Variants in LHFPL6 observed in about 807,000 individuals in gnomAD.
LHFPL6 encodes LHFPL tetraspan subfamily member 6 protein.
A neutral mutation model predicts 20.6 loss-of-function variants in LHFPL6; 9 were observed. The ratio of observed to expected loss-of-function variants is 0.44; its 90% CI spans 0.26 to 0.76. The LOEUF is 0.76. LHFPL6 is among the 30% of genes least tolerant of loss of function. The probability of loss-of-function intolerance (pLI) is 0.20; values close to 1 mark genes in which losing one functional copy is unlikely to be tolerated. For missense variants in LHFPL6, 218 were observed against 253.5 expected, an observed-to-expected ratio of 0.86 and a Z score of 0.95; for synonymous variants, 105 against 98.7, an observed-to-expected ratio of 1.06 and a Z score of -0.38.
At chr13:39,479,036 T>G (rs116988998) in intron 2 of LHFPL6, among the ~76,000 whole-genome samples, 9,211 of 88,168 alleles carry the variant, frequency 0.1, 349 homozygotes, top group East Asian at 0.35. Context: ...GAGATAGATA[T>G]AGATAGATAG....
chr13:39,518,014 C>T (rs912728072), intron 2 of LHFPL6, among the ~76,000 whole-genome samples: 1 of 152,186 alleles, frequency 6.6e-6, no homozygotes, highest in Non-Finnish European at 1.5e-5. Flanking sequence ...ATTCCAATCT[C>T]CACACTGCCC....
At chr13:39,568,851 C>T (rs1444804403) in intron 2 of LHFPL6, among the ~76,000 whole-genome samples, 6 of 152,154 alleles carry the variant, frequency 3.9e-5, no homozygotes, top group Non-Finnish European at 8.8e-5. Flanking sequence ...TGATCATATC[C>T]AGTGACCTCA....
At chr13:39,391,362 T>C (rs998837694) in intron 2 of LHFPL6, among the ~76,000 whole-genome samples, 4 of 152,204 alleles carry the variant, frequency 2.6e-5, no homozygotes, top group Non-Finnish European at 4.4e-5. Context: ...TGTTCCCCTT[T>C]GGCGTTGTGA....
chr13:39,439,415 T>C (rs1403716226), intron 2 of LHFPL6, among the ~76,000 whole-genome samples: 5 of 152,190 alleles, frequency 3.3e-5, no homozygotes, highest in African/African-American at 1.2e-4. Flanking sequence ...ACTAGCCTTG[T>C]CTCAGATGGG....
At chr13:39,448,652 C>A (rs947772138) in intron 2 of LHFPL6, among the ~76,000 whole-genome samples, 2 of 152,172 alleles carry the variant, frequency 1.3e-5, no homozygotes, top group African/African-American at 4.8e-5. Flanking sequence ...GCCTACAATT[C>A]TTTTTAACAG....
At chr13:39,356,966 T>A (rs1055473771) in intron 3 of LHFPL6, among the ~76,000 whole-genome samples, 3 of 152,176 alleles carry the variant, frequency 2.0e-5, no homozygotes, top group African/African-American at 7.2e-5. Flanking sequence ...GCTCAGAAGT[T>A]CGAGACCACC....
chr13:39,472,613 A>T (rs560040187), intron 2 of LHFPL6, among the ~76,000 whole-genome samples: 2 of 151,768 alleles, frequency 1.3e-5, no homozygotes, highest in Non-Finnish European at 2.9e-5. Flanking sequence ...ATTTTAATTA[A>T]TTTTTTTGTG....
At chr13:39,512,777 ACCAGG>A (rs1169108357) in intron 2 of LHFPL6, among the ~76,000 whole-genome samples, 1 of 152,208 alleles carries the variant, frequency 6.6e-6, no homozygotes, top group Non-Finnish European at 1.5e-5. Context: ...GGACAGCTTG[ACCAGG>A]CCTGGCATGC....
At chr13:39,460,474 C>T (rs1872664422) in intron 2 of LHFPL6, among the ~76,000 whole-genome samples, 1 of 152,210 alleles carries the variant, frequency 6.6e-6, no homozygotes, top group Non-Finnish European at 1.5e-5. Context: ...CCCAAACAAG[C>T]AGCTGGCCCA....
chr13:39,345,499 C>A lies in LHFPL6; in HGVS notation c.485-1445G>T, dbSNP rs188505208. Among the ~76,000 whole-genome samples, 401 of 62,212 alleles carry A rather than the reference C, an allele frequency of 6.4e-3. 3 individuals carry two copies. Among genetic ancestry groups the A allele is most frequent in the African/African-American group, 0.02 (387 of 19,474 alleles). The allele number at this position is 62,212 out of a possible 152,430, so 40.8% of individuals were successfully genotyped here. A position where few individuals can be genotyped will look rare whatever the true frequency, so the allele number is the denominator to read the frequency against. ...CTGAACTCCAGCCTGGGTCAGGGAGCGAGACTCCATCTCAAAAAAAAAAAA... is the reference window on the plus strand; with the variant it reads ...CTGAACTCCAGCCTGGGTCAGGGAGAGAGACTCCATCTCAAAAAAAAAAAA... On this transcript the variant is annotated intron_variant, in intron 3 of 3. Transcript: ENST00000379589.
chr13:39,389,800 T>C (rs911777358), intron 2 of LHFPL6, among the ~76,000 whole-genome samples: 1 of 152,186 alleles, frequency 6.6e-6, no homozygotes, highest in African/African-American at 2.4e-5. Flanking sequence ...TATACTAATA[T>C]CATAAAATTA....
At chr13:39,439,587 G>C (rs924254896) in intron 2 of LHFPL6, among the ~76,000 whole-genome samples, 6 of 152,180 alleles carry the variant, frequency 3.9e-5, no homozygotes, top group African/African-American at 1.4e-4. Flanking sequence ...CAAATATCAT[G>C]CCAAATTATA....
chr13:39,467,883 A>T (rs572057163), intron 2 of LHFPL6, among the ~76,000 whole-genome samples: 1 of 152,196 alleles, frequency 6.6e-6, no homozygotes, highest in South Asian at 2.1e-4. Context: ...AAGCATCTGG[A>T]CCCCATTGGG....
intron 2 of LHFPL6, among the ~76,000 whole-genome samples, chr13:39,463,552 G>C (rs973755222): frequency 6.6e-6 from 1 of 152,096 alleles, no homozygotes; most frequent in Non-Finnish European, 1.5e-5. Flanking sequence ...TTTGAGGTAG[G>C]GGCGAAGGTC....
intron 2 of LHFPL6, among the ~76,000 whole-genome samples, chr13:39,476,056 A>C (rs748022010): frequency 6.6e-6 from 1 of 152,224 alleles, no homozygotes; most frequent in Non-Finnish European, 1.5e-5. Flanking sequence ...AACTAAAAGA[A>C]TTAATTACCT....
chr13:39,389,877 A>T (rs1870659390), intron 2 of LHFPL6, among the ~76,000 whole-genome samples: 1 of 152,174 alleles, frequency 6.6e-6, no homozygotes, highest in Admixed American at 6.5e-5. Context: ...TGGGGCTTCT[A>T]CTTCAGCTTC....
At chr13:39,383,965 C>T (rs1870501818) in intron 2 of LHFPL6, among the ~76,000 whole-genome samples, 1 of 152,114 alleles carries the variant, frequency 6.6e-6, no homozygotes, top group Admixed American at 6.6e-5. Context: ...CTGAATTCTT[C>T]AAAACAGCTT....
intron 2 of LHFPL6, among the ~76,000 whole-genome samples, chr13:39,435,214 A>C (rs1871925318): frequency 6.6e-6 from 1 of 152,184 alleles, no homozygotes; most frequent in African/African-American, 2.4e-5. Context: ...TTTCAAGCCA[A>C]ATTAACCTTT....
intron 2 of LHFPL6, among the ~76,000 whole-genome samples, chr13:39,535,640 C>A (rs1032043122): frequency 6.6e-5 from 10 of 152,302 alleles, no homozygotes; most frequent in African/African-American, 2.2e-4. Context: ...GGACAGTGTA[C>A]ACATTCTGCT....
Sources: allele counts gnomAD v4.1 joint callset (sites outside exome capture counted in the v4.1 genomes callset), GRCh38; gene constraint gnomAD v4.1.1; transcripts MANE v1.5; gene names NCBI Gene and HGNC (gene_info 2026-07-23, HGNC 2026-07-21).